The following ADGRL2 variants were observed in gnomAD, a reference collection of about 807,000 sequenced individuals.
The protein encoded by ADGRL2 is adhesion G protein-coupled receptor L2.
In ADGRL2, 44 loss-of-function variants were observed where a neutral mutation model predicts 157.4. The ratio of observed to expected loss-of-function variants is 0.28; its 90% CI spans 0.22 to 0.36. ADGRL2 has a LOEUF of 0.36. Among genes scored for constraint, ADGRL2 ranks in the 10% least tolerant of loss-of-function variants. The pLI is 1.00. For missense variants in ADGRL2, 1,510 were observed against 1,768.9 expected (o/e 0.85, Z 2.63); for synonymous variants, 585 against 624.7 (o/e 0.94, Z 0.95).
intron 22 of ADGRL2, 57 bp downstream of exon 22, chr1:81,987,086 C>A: frequency 1.9e-6 from 3 of 1,560,044 alleles, no homozygotes; most frequent in Non-Finnish European, 2.6e-6. Flanking sequence ...GAGCTATGAT[C>A]TTTGCCCTGT....
intron 1 of ADGRL2, among the ~76,000 whole-genome samples, chr1:81,756,535 T>C (rs931601924): frequency 6.6e-6 from 1 of 152,176 alleles, no homozygotes; most frequent in Admixed American, 6.6e-5. Flanking sequence ...TGCAGGACCA[T>C]ATTGCATAAA....
chr1:81,475,493 G>A (rs2078253861), intron 2 of ADGRL2, among the ~76,000 whole-genome samples: 1 of 152,066 alleles, frequency 6.6e-6, no homozygotes, highest in Non-Finnish European at 1.5e-5. Context: ...AGAATAATTT[G>A]TGAAAAAGAA....
chr1:81,496,563 A>G lies in ADGRL2; in HGVS notation c.-248+51474A>G, dbSNP rs751921359. On this transcript the variant is annotated intron_variant, in intron 2 of 24. Coordinates refer to the ADGRL2 transcript ENST00000370721. ...ACACATTGCCTGTGTCTGCCTGGGCAACAAATGTGGTATTTTAGGTTGACT... is the reference window on the plus strand; with the variant it reads ...ACACATTGCCTGTGTCTGCCTGGGCGACAAATGTGGTATTTTAGGTTGACT... 4.3e-4 allele frequency among the ~76,000 whole-genome samples: 66 copies of G among 152,178 alleles called. 1 individual carries two copies. Among genetic ancestry groups the G allele is most frequent in the Non-Finnish European group, 8.8e-4 (60 of 68,032 alleles).
chr1:81,700,266 T>C (rs2083534765), intron 1 of ADGRL2, among the ~76,000 whole-genome samples: 3 of 152,220 alleles, frequency 2.0e-5, no homozygotes, highest in Admixed American at 2.0e-4. Flanking sequence ...CCAAAGGAGA[T>C]GGCTTTATTG....
intron 2 of ADGRL2, among the ~76,000 whole-genome samples, chr1:81,860,019 TC>T (rs2093340680): frequency 6.6e-6 from 1 of 151,934 alleles, no homozygotes; most frequent in Non-Finnish European, 1.5e-5. Context: ...GGTCAGGAGT[TC>T]CAGACCAGCT....
chr1:81,476,020 T>C (rs529928510), intron 2 of ADGRL2, among the ~76,000 whole-genome samples: 1 of 152,286 alleles, frequency 6.6e-6, no homozygotes, highest in South Asian at 2.1e-4. Flanking sequence ...AGTGCTTCCA[T>C]AGGTGTCAGG....
intron 1 of ADGRL2, among the ~76,000 whole-genome samples, chr1:81,809,755 A>G (rs967613732): frequency 2.7e-4 from 41 of 152,018 alleles, no homozygotes; most frequent in African/African-American, 8.4e-4. Context: ...GTATATATCA[A>G]TACTTGTTGT....
chr1:81,374,360 TCAGGAGTTCGAGAC>T (rs888165663), intron 1 of ADGRL2, among the ~76,000 whole-genome samples: 3 of 151,954 alleles, frequency 2.0e-5, no homozygotes, highest in Non-Finnish European at 4.4e-5. Flanking sequence ...TCACCTGAGG[TCAGGAGTTCGAGAC>T]CAGCCTGGCC....
At chr1:81,934,883 A>G (rs986345816) in intron 3 of ADGRL2, among the ~76,000 whole-genome samples, 6 of 151,994 alleles carry the variant, frequency 3.9e-5, no homozygotes, top group Non-Finnish European at 8.8e-5. Flanking sequence ...AGGTATGAAT[A>G]AATACAAAGA....
At chr1:81,523,864 C>T (rs1339249392) in intron 2 of ADGRL2, among the ~76,000 whole-genome samples, 1 of 151,684 alleles carries the variant, frequency 6.6e-6, no homozygotes, top group Admixed American at 6.6e-5. Flanking sequence ...GAGTTCAAAA[C>T]CAGCCCAGCG....
intron 1 of ADGRL2, among the ~76,000 whole-genome samples, chr1:81,822,271 A>ATAT (rs1291584871): frequency 6.6e-6 from 1 of 151,840 alleles, no homozygotes; most frequent in Non-Finnish European, 1.5e-5. Context: ...TGTTAAGAGG[A>ATAT]TATTGCTGAT....
At chr1:81,355,687 G>A (rs571537496) in intron 1 of ADGRL2, among the ~76,000 whole-genome samples, 12 of 152,240 alleles carry the variant, frequency 7.9e-5, no homozygotes, top group African/African-American at 2.9e-4. Flanking sequence ...AACCCTGCAT[G>A]GGAAGACAAG....
chr1:81,989,784 A>G, intron 23 of ADGRL2: 6 of 1,542,712 alleles, frequency 3.9e-6, no homozygotes, highest in Non-Finnish European at 4.4e-6. Context: ...AGTATGAGAG[A>G]TGGCTGTCTT....
chr1:81,922,297 C>T lies in ADGRL2; in HGVS notation c.288-14431C>T, dbSNP rs188533876. On this transcript the variant is annotated intron_variant, in intron 3 of 23. Coordinates refer to ENST00000686636, the MANE Select transcript of ADGRL2 (RefSeq NM_001366006.2). Reference sequence around the variant, plus strand: ...CACACTCTGTAACATGGAGCATGTTCGCCAGTTTCTTTTTCCTTTCGGGCA... The same window carrying T: ...CACACTCTGTAACATGGAGCATGTTTGCCAGTTTCTTTTTCCTTTCGGGCA... 2.8e-3 allele frequency among the ~76,000 whole-genome samples: 426 copies of T among 152,204 alleles called. 1 individual carries two copies. The highest frequency in any genetic ancestry group is 1.0e-2 in the African/African-American group (414 of 41,524).
chr1:81,827,363 T>C (rs1385629806), intron 1 of ADGRL2, among the ~76,000 whole-genome samples: 3 of 152,208 alleles, frequency 2.0e-5, no homozygotes, highest in Non-Finnish European at 4.4e-5. Context: ...ATCATGCTAA[T>C]GGAAGAATAC....
intron 3 of ADGRL2, among the ~76,000 whole-genome samples, chr1:81,581,647 T>C (rs143936423): frequency 8.9e-4 from 135 of 152,280 alleles, no homozygotes; most frequent in African/African-American, 3.2e-3. Flanking sequence ...TGTGTGTTTC[T>C]GAGGAAAGCA....
chr1:81,871,544 C>G (rs2093694683), intron 2 of ADGRL2, among the ~76,000 whole-genome samples: 1 of 152,146 alleles, frequency 6.6e-6, no homozygotes, highest in South Asian at 2.1e-4. Flanking sequence ...AGTTTACAGT[C>G]CCACCAGCAG....
intron 1 of ADGRL2, among the ~76,000 whole-genome samples, chr1:81,382,411 TA>T (rs1220573441): frequency 6.6e-6 from 1 of 152,150 alleles, no homozygotes; most frequent in Non-Finnish European, 1.5e-5. Context: ...TAACACACAA[TA>T]GGGGTAGCTG....
intron 2 of ADGRL2, among the ~76,000 whole-genome samples, chr1:81,448,942 T>A (rs1407550624): frequency 1.3e-5 from 2 of 152,174 alleles, no homozygotes; most frequent in Non-Finnish European, 1.5e-5. Flanking sequence ...CCCCTATACT[T>A]TACAGTTTAT....
Sources: allele counts gnomAD v4.1 joint callset (sites outside exome capture counted in the v4.1 genomes callset), GRCh38; gene constraint gnomAD v4.1.1; transcripts MANE v1.5; gene names NCBI Gene and HGNC (gene_info 2026-07-23, HGNC 2026-07-21).